Variants in PGAP1 observed in about 807,000 individuals in gnomAD.
PGAP1 encodes post-GPI attachment to proteins inositol deacylase 1.
A neutral mutation model predicts 127.0 loss-of-function variants in PGAP1; 76 were observed. That is an observed-to-expected ratio of 0.60 (90% confidence interval 0.50 to 0.72). PGAP1 has a LOEUF of 0.72. Among genes scored for constraint, PGAP1 ranks in the 30% least tolerant of loss-of-function variants. The probability of loss-of-function intolerance (pLI) is 0.00; values close to 1 mark genes in which losing one functional copy is unlikely to be tolerated. For synonymous variants in PGAP1, 362 were observed against 366.5 expected (o/e 0.99, Z 0.14); for missense variants, 982 against 1,071.3 (o/e 0.92, Z 1.16).
intron 23 of PGAP1, among the ~76,000 whole-genome samples, chr2:196,845,545 T>C (rs1244606713): frequency 1.3e-5 from 2 of 150,888 alleles, no homozygotes; most frequent in Non-Finnish European, 3.0e-5. Flanking sequence ...CTCTTACCCA[T>C]GTTCAAAAAG....
At chr2:196,859,990 G>C (rs1169363423) in intron 20 of PGAP1, among the ~76,000 whole-genome samples, 1 of 151,936 alleles carries the variant, frequency 6.6e-6, no homozygotes, top group African/African-American at 2.4e-5. Flanking sequence ...ATTCAATAGA[G>C]TACTAGAAGT....
Position 196,897,156 on chromosome 2 carries a change from T to C in PGAP1, c.902A>G (p.Asp301Gly). Residue 301 changes from aspartate (D) to glycine (G), a missense_variant, in exon 7 of 27, where the codon GAT becomes GGT. Physicochemically the swap from Asp to Gly is moderately conservative, Grantham distance 94. Transcript: ENST00000354764. ...LQLTTVRAFF[D>G]LIDADTKQIT... ...TTGTTTAGTATCAGCATCAATAAGA[T>C]CAAAGAATGCTCGAACTGTAGTCAA... 1 of 1,582,646 alleles carries C rather than the reference T, an allele frequency of 6.3e-7. No individual in the cohort carries two copies. Among genetic ancestry groups the C allele is most frequent in the South Asian group, 1.2e-5 (1 of 85,962 alleles).
intron 3 of PGAP1, among the ~76,000 whole-genome samples, chr2:196,915,402 C>T (rs1383313814): frequency 6.6e-6 from 1 of 152,162 alleles, no homozygotes; most frequent in Non-Finnish European, 1.5e-5. Context: ...TTGAACTCCA[C>T]CTGTACAGTA....
intron 12 of PGAP1, among the ~76,000 whole-genome samples, chr2:196,883,354 G>A (rs924029090): frequency 2.0e-5 from 3 of 152,152 alleles, no homozygotes; most frequent in African/African-American, 7.2e-5. Flanking sequence ...CTAACAATCT[G>A]ACCAGATTCA....
At chr2:196,913,146 A>G (rs1702889386) in intron 3 of PGAP1, 93 bp from the exon 4 acceptor site, 1 of 1,175,872 alleles carries the variant, frequency 8.5e-7, no homozygotes, top group Non-Finnish European at 1.2e-6. Context: ...TTTTATAGGA[A>G]AAAGAAAATC....
intron 16 of PGAP1, 100 bp downstream of exon 16, chr2:196,873,428 T>C: frequency 2.4e-6 from 2 of 818,326 alleles, no homozygotes; most frequent in South Asian, 1.8e-5. Context: ...CACATAAAAA[T>C]ATATGGAAGA....
Position 196,839,973 on chromosome 2 carries a change from G to T in PGAP1, c.*1261C>A, listed in dbSNP as rs577038237. ...CATCTAGAAGAACTCTATAAGCCGGGTATGTCTCAGCCTGAGTTTACGCTA... is the reference window on the plus strand; with the variant it reads ...CATCTAGAAGAACTCTATAAGCCGGTTATGTCTCAGCCTGAGTTTACGCTA... On this transcript the variant is annotated 3_prime_UTR_variant, in exon 27 of 27. Transcript: ENST00000354764. 6.6e-6 allele frequency: 1 copy of T among 152,264 alleles called. No individual in the cohort carries two copies. Among genetic ancestry groups the T allele is most frequent in the East Asian group, 1.9e-4 (1 of 5,180 alleles). 9.4% of individuals were successfully genotyped at this position (152,264 alleles called of 1,614,324 possible).
rs1700583482 is a variant in PGAP1, at chr2:196,847,253, G to A, written c.1953-53C>T. ...AAAAACCCAACAACTGAAATTTAAGGACTTAATATTTGAGGTGTCTGACTA... is the reference window on the plus strand; with the variant it reads ...AAAAACCCAACAACTGAAATTTAAGAACTTAATATTTGAGGTGTCTGACTA... On this transcript the variant is annotated intron_variant, in intron 21 of 26. Transcript: ENST00000354764. The A allele has an allele frequency of 2.2e-6, 3 of 1,370,014 alleles. No homozygotes were observed. The Admixed American group carries it at 5.8e-5, about 27-fold the overall frequency. The allele number at this position is 1,370,014 out of a possible 1,614,324, so 84.9% of individuals were successfully genotyped here.
chr2:196,891,811 CTCA>C (rs897633149), intron 9 of PGAP1, among the ~76,000 whole-genome samples: 1 of 151,812 alleles, frequency 6.6e-6, no homozygotes, highest in Non-Finnish European at 1.5e-5. Context: ...CCAGGCATTC[CTCA>C]TCAACAGTGG....
In PGAP1 at chr2:196,835,317, A is replaced by G. The variant is rs1700210811; in HGVS notation, c.*5917T>C. ...ATATAAAGAGACTGAATGGAAATAC[A>G]TAAAAAACAAAAGAAATTCCACAGT... is the stretch of plus-strand genomic sequence containing the variant. On this transcript the variant is annotated 3_prime_UTR_variant, in exon 27 of 27. Transcript: ENST00000354764. The G allele has an allele frequency of 6.6e-6, 1 of 152,058 alleles. No homozygotes were observed. Among genetic ancestry groups the G allele is most frequent in the South Asian group, 2.1e-4 (1 of 4,832 alleles). 9.4% of individuals were successfully genotyped at this position (152,058 alleles called of 1,614,324 possible).
rs1471838528 is a variant in PGAP1 at position 196,872,492 on chromosome 2, A to G, written c.1677T>C (p.Asn559=). The change falls in exon 18 of 27, where the codon AAT becomes AAC. Residue 559 remains asparagine, a synonymous_variant. Coordinates refer to ENST00000354764, the MANE Select transcript of PGAP1 (RefSeq NM_024989.4). ...ACATTTTAAATAATGCCACATGGGT[A>G]TTGTTTTCTGGTTGAGCAATATGGA... ...LKLHIAQPEN[N]THVALFKMYT... The G allele has an allele frequency of 6.2e-6, 10 of 1,613,446 alleles. No homozygotes were observed. Among genetic ancestry groups the G allele is most frequent in the Non-Finnish European group, 8.5e-6 (10 of 1,179,450 alleles).
intron 20 of PGAP1, among the ~76,000 whole-genome samples, chr2:196,861,645 G>C (rs1701068539): frequency 6.6e-6 from 1 of 152,248 alleles, no homozygotes; most frequent in South Asian, 2.1e-4. Context: ...AGACCAGCCT[G>C]AACAACATGG....
intron 18 of PGAP1, among the ~76,000 whole-genome samples, chr2:196,872,035 G>A (rs552306575): frequency 6.6e-6 from 1 of 152,174 alleles, no homozygotes; most frequent in East Asian, 1.9e-4. Context: ...AATAATTAGT[G>A]AAAAGGAAAG....
chr2:196,885,764 C>A, intron 11 of PGAP1, 70 bp downstream of exon 11: 1 of 962,600 alleles, frequency 1.0e-6, no homozygotes, highest in Non-Finnish European at 1.4e-6. Context: ...ATGTATGAAA[C>A]TATTCTAAAA....
Position 196,890,970 on chromosome 2 carries a change from C to A in PGAP1, c.1090-59G>T, listed in dbSNP as rs551417088. 5.7e-6 allele frequency: 5 copies of A among 869,790 alleles called. No individual in the cohort carries two copies. In the South Asian group the frequency reaches 7.3e-5, roughly 13 times the overall value. The allele number at this position is 869,790 out of a possible 1,614,324, so 53.9% of individuals were successfully genotyped here. ...TAATGAGCAGATTAGTTTCATCATTCAAAAATCCAGATATAGCAAATGAGT... is the reference window on the plus strand; with the variant it reads ...TAATGAGCAGATTAGTTTCATCATTAAAAAATCCAGATATAGCAAATGAGT... On this transcript the variant is annotated intron_variant, in intron 9 of 26. Transcript: ENST00000354764.
chr2:196,902,402 T>TTCATTCAA lies in PGAP1; in HGVS notation c.807+182_807+183insTTGAATGA, dbSNP rs796386739. 4.1e-3 allele frequency among the ~76,000 whole-genome samples: 629 copies of TTCATTCAA among 152,020 alleles called. 4 individuals are homozygous for TTCATTCAA. Among genetic ancestry groups the TTCATTCAA allele is most frequent in the African/African-American group, 0.014 (585 of 41,420 alleles). ...TGCCCTCCCAACACATTCATATTCATTCATTCATTCATTTTCTCTCTTTCT... is the reference window on the plus strand; with the variant it reads ...TGCCCTCCCAACACATTCATATTCATTCATTCAATCATTCATTCATTTTCTCTCTTTCT... On this transcript the variant is annotated intron_variant, in intron 5 of 26. Transcript: ENST00000354764.
At chr2:196,841,620 C>T (rs1016109429) in intron 26 of PGAP1, among the ~76,000 whole-genome samples, 2 of 152,188 alleles carry the variant, frequency 1.3e-5, no homozygotes, top group Non-Finnish European at 2.9e-5. Flanking sequence ...CGGGTTCATG[C>T]CATTCTCCTG....
chr2:196,850,892 G>A (rs1700698259), intron 20 of PGAP1, among the ~76,000 whole-genome samples: 1 of 152,060 alleles, frequency 6.6e-6, no homozygotes, highest in Non-Finnish European at 1.5e-5. Context: ...AACAGGGATG[G>A]GGATTGGTGG....
At chr2:196,872,901 G>A in intron 17 of PGAP1, 59 bp downstream of exon 17, 1 of 681,042 alleles carries the variant, frequency 1.5e-6, no homozygotes, top group Non-Finnish European at 2.6e-6. Flanking sequence ...AATAAACTAA[G>A]CAGAATATCT....
Sources: gnomAD v4.1 joint callset for allele counts (sites outside exome capture counted in the v4.1 genomes callset) on GRCh38, gnomAD v4.1.1 for gene constraint, MANE v1.5 for transcripts, NCBI Gene and HGNC (gene_info 2026-07-23, HGNC 2026-07-21) for gene names.